TFDP2: variants seen among roughly 807,000 people sequenced by gnomAD.
The protein encoded by TFDP2 is transcription factor Dp-2 (E2F dimerization partner 2).
In TFDP2, 17 loss-of-function variants were observed where a neutral mutation model predicts 59.3. The observed-to-expected ratio is 0.29, with a 90% CI of 0.20 to 0.43. The LOEUF is 0.43. Ranked by LOEUF, TFDP2 falls within the 20% of genes least tolerant of loss-of-function variation. TFDP2 has a pLI of 1.00. For synonymous variants in TFDP2, 180 were observed against 194.7 expected, an observed-to-expected ratio of 0.92 and a Z score of 0.63; for missense variants, 391 against 528.8, an observed-to-expected ratio of 0.74 and a Z score of 2.56.
chr3:142,065,764 C>T (rs1433752403), intron 3 of TFDP2, among the ~76,000 whole-genome samples: 1 of 151,860 alleles, frequency 6.6e-6, no homozygotes, highest in Non-Finnish European at 1.5e-5. Flanking sequence ...CTGCCTGCCT[C>T]GGCCTCTCAA....
chr3:142,075,538 C>T (rs559952906), intron 3 of TFDP2, among the ~76,000 whole-genome samples: 2 of 152,126 alleles, frequency 1.3e-5, no homozygotes, highest in Admixed American at 1.3e-4. Flanking sequence ...GGTAAACTCA[C>T]CTGGCTAAAC....
At chr3:142,077,567 C>T (rs2060502290) in intron 3 of TFDP2, among the ~76,000 whole-genome samples, 1 of 152,138 alleles carries the variant, frequency 6.6e-6, no homozygotes, top group South Asian at 2.1e-4. Flanking sequence ...CTTCTAGACA[C>T]ACCATGGTCC....
intron 3 of TFDP2, among the ~76,000 whole-genome samples, chr3:142,041,517 C>T (rs151320009): frequency 8.5e-5 from 13 of 152,338 alleles, no homozygotes; most frequent in Non-Finnish European, 1.5e-4. Flanking sequence ...TCATGTAAGA[C>T]GTGACTTTGT....
chr3:142,128,800 T>A (rs995693343), intron 1 of TFDP2, among the ~76,000 whole-genome samples: 1 of 151,866 alleles, frequency 6.6e-6, no homozygotes, highest in Non-Finnish European at 1.5e-5. Context: ...AATTTTTTTT[T>A]AAAGTAGAAA....
chr3:141,977,106 ATTTTTTTTT>A (rs66720095), intron 7 of TFDP2, among the ~76,000 whole-genome samples: 2 of 97,524 alleles, frequency 2.1e-5, no homozygotes, highest in African/African-American at 8.4e-5. Context: ...ATATATATAT[ATTTTTTTTT>A]TTTTTTTTTT....
intron 3 of TFDP2, among the ~76,000 whole-genome samples, chr3:142,025,309 C>T (rs896388614): frequency 1.3e-5 from 2 of 152,152 alleles, no homozygotes; most frequent in Non-Finnish European, 2.9e-5. Flanking sequence ...CATAATTTGA[C>T]CACACATTCA....
At chr3:142,038,240 C>A (rs1946779699) in intron 3 of TFDP2, among the ~76,000 whole-genome samples, 1 of 151,816 alleles carries the variant, frequency 6.6e-6, no homozygotes, top group Non-Finnish European at 1.5e-5. Context: ...AAAGATTAGT[C>A]GGGAGTAGTG....
intron 3 of TFDP2, among the ~76,000 whole-genome samples, chr3:142,052,770 G>A (rs897543301): frequency 6.6e-6 from 1 of 152,014 alleles, no homozygotes; most frequent in African/African-American, 2.4e-5. Flanking sequence ...CGCCTCCCAA[G>A]TAGCTGGAAC....
intron 3 of TFDP2, among the ~76,000 whole-genome samples, chr3:142,080,752 C>T (rs1471814533): frequency 6.6e-6 from 1 of 152,112 alleles, no homozygotes; most frequent in Non-Finnish European, 1.5e-5. Flanking sequence ...CAAAGAAGGT[C>T]ATTACATAAA....
At chr3:142,049,912 A>T (rs958160445) in intron 3 of TFDP2, among the ~76,000 whole-genome samples, 6 of 152,210 alleles carry the variant, frequency 3.9e-5, no homozygotes, top group African/African-American at 1.4e-4. Context: ...TACAATGGAA[A>T]CTGCAATAGA....
rs1385063475 is a variant in TFDP2, at chr3:141,994,297, CT to C, written c.309-713del. On this transcript the variant is annotated intron_variant, in intron 5 of 12. Coordinates refer to ENST00000489671, the MANE Select transcript of TFDP2 (RefSeq NM_001178139.2). Reference sequence around the variant, plus strand: ...TTCTTACTTAACTAAGACTTACCATCTGCTTGCTCAAACTCACATATGACAG... The same window carrying C: ...TTCTTACTTAACTAAGACTTACCATCGCTTGCTCAAACTCACATATGACAG... 8 of 152,204 alleles carry C rather than the reference CT, an allele frequency of 5.3e-5. No individual in the cohort carries two copies. In the East Asian group the frequency reaches 1.5e-3, roughly 29 times the overall value. The allele number at this position is 152,204 out of a possible 1,614,324, so 9.4% of individuals were successfully genotyped here.
At chr3:142,077,088 T>C (rs1275839254) in intron 3 of TFDP2, among the ~76,000 whole-genome samples, 2 of 152,106 alleles carry the variant, frequency 1.3e-5, no homozygotes, top group African/African-American at 4.8e-5. Context: ...AACTCAGTGC[T>C]GTCAACACTG....
chr3:142,133,931 C>G (rs964928952), intron 1 of TFDP2, among the ~76,000 whole-genome samples: 1 of 151,518 alleles, frequency 6.6e-6, no homozygotes, highest in Admixed American at 6.6e-5. Context: ...TGGCTCACAA[C>G]TGTAAGGCAG....
chr3:142,007,176 C>A (rs1944285646), intron 3 of TFDP2, among the ~76,000 whole-genome samples: 1 of 152,286 alleles, frequency 6.6e-6, no homozygotes, highest in Middle Eastern at 3.4e-3. Context: ...ATTCCATTGG[C>A]CCTTTCCCTT....
At chr3:142,020,638 CTTCA>C (rs973595970) in intron 3 of TFDP2, among the ~76,000 whole-genome samples, 1 of 150,794 alleles carries the variant, frequency 6.6e-6, no homozygotes, top group Admixed American at 6.6e-5. Flanking sequence ...CTCTGACTTC[CTTCA>C]TTTTTATGTT....
At chr3:142,117,784 G>GA (rs1450822449) in intron 1 of TFDP2, among the ~76,000 whole-genome samples, 1 of 151,942 alleles carries the variant, frequency 6.6e-6, no homozygotes, top group East Asian at 1.9e-4. Context: ...GGTAATGAAT[G>GA]AAAAAAACAG....
intron 1 of TFDP2, among the ~76,000 whole-genome samples, chr3:142,110,233 G>C (rs1458184580): frequency 6.6e-6 from 1 of 152,140 alleles, no homozygotes; most frequent in Non-Finnish European, 1.5e-5. Context: ...GCCAGGCACG[G>C]TGGCTCACGT....
Position 142,005,496 on chromosome 3 carries a change from G to T in TFDP2, c.131C>A (p.Thr44Lys), listed in dbSNP as rs765649290. The change falls in exon 4 of 13, where the codon ACA becomes AAA. Residue 44 changes from threonine to lysine, a missense_variant. By Grantham distance (78) the Thr-to-Lys change is moderately conservative (BLOSUM62 -1). Coordinates refer to ENST00000489671, the MANE Select transcript of TFDP2 (RefSeq NM_001178139.2). ...TCCTAAGGTTTTTGGTAAAATCTTTGTAGGTGAGTTGGTATTGGAAACTGG... is the reference window on the plus strand; with the variant it reads ...TCCTAAGGTTTTTGGTAAAATCTTTTTAGGTGAGTTGGTATTGGAAACTGG... ...AFPVSNTNSP[T>K]KILPKTLGPI... The T allele has an allele frequency of 3.2e-5, 51 of 1,610,710 alleles. No homozygotes were observed. The Middle Eastern group carries it at 2.8e-3, about 89-fold the overall frequency.
intron 1 of TFDP2, chr3:142,126,376 C>A (rs917907220): frequency 1.3e-5 from 2 of 151,736 alleles, no homozygotes; most frequent in Non-Finnish European, 2.9e-5. Flanking sequence ...CAGAAGGTGG[C>A]GACGTTACTT....
Sources: gnomAD v4.1 joint callset for allele counts (sites outside exome capture counted in the v4.1 genomes callset) on GRCh38, gnomAD v4.1.1 for gene constraint, MANE v1.5 for transcripts, NCBI Gene and HGNC (gene_info 2026-07-23, HGNC 2026-07-21) for gene names.